The following PTPRG variants were observed in gnomAD, a reference collection of about 807,000 sequenced individuals.
PTPRG encodes receptor-type tyrosine-protein phosphatase gamma.
In PTPRG, 102 loss-of-function variants were observed where a neutral mutation model predicts 165.3. That is an observed-to-expected ratio of 0.62 (90% CI 0.53 to 0.73). The LOEUF (loss-of-function observed/expected upper bound fraction) is 0.73, where lower values mean the gene tolerates loss of function less well. Among genes scored for constraint, PTPRG ranks in the 30% least tolerant of loss-of-function variants. The probability of loss-of-function intolerance (pLI) is 0.00; values close to 1 mark genes in which losing one functional copy is unlikely to be tolerated. For synonymous variants in PTPRG, 675 were observed against 669.5 expected (o/e 1.01, Z -0.13); for missense variants, 1,866 against 1,861.4 (o/e 1.00, Z -0.05).
intron 2 of PTPRG, among the ~76,000 whole-genome samples, chr3:61,960,542 G>A (rs1458563531): frequency 6.6e-6 from 1 of 152,090 alleles, no homozygotes; most frequent in African/African-American, 2.4e-5. Flanking sequence ...AAGTAAAACT[G>A]ATCAATGGGA....
chr3:61,866,888 C>A (rs2037427697), intron 2 of PTPRG, among the ~76,000 whole-genome samples: 1 of 152,154 alleles, frequency 6.6e-6, no homozygotes, highest in Non-Finnish European at 1.5e-5. Flanking sequence ...TGTGACACCG[C>A]ACCCGGCCAA....
At chr3:62,093,667 G>A (rs1702018109) in intron 5 of PTPRG, among the ~76,000 whole-genome samples, 1 of 152,186 alleles carries the variant, frequency 6.6e-6, no homozygotes, top group South Asian at 2.1e-4. Flanking sequence ...TCAGGTACAA[G>A]GGATTAGGAG....
chr3:61,939,884 G>T (rs1221209622), intron 2 of PTPRG, among the ~76,000 whole-genome samples: 1 of 141,216 alleles, frequency 7.1e-6, no homozygotes, highest in East Asian at 2.3e-4. Flanking sequence ...TGAATGGAAA[G>T]AAGTATTGGT....
chr3:62,000,454 G>A (rs2041146188), intron 3 of PTPRG, among the ~76,000 whole-genome samples: 1 of 152,114 alleles, frequency 6.6e-6, no homozygotes, highest in Non-Finnish European at 1.5e-5. Flanking sequence ...GAAGACATGT[G>A]GGAAAAGACA....
chr3:61,688,299 G>A (rs1703704904), intron 1 of PTPRG, among the ~76,000 whole-genome samples: 1 of 152,196 alleles, frequency 6.6e-6, no homozygotes, highest in Admixed American at 6.5e-5. Context: ...TCAAAAAAAG[G>A]CTGCATGCTG....
At chr3:62,192,918 C>A (rs902764161) in intron 9 of PTPRG, among the ~76,000 whole-genome samples, 1 of 152,170 alleles carries the variant, frequency 6.6e-6, no homozygotes, top group Non-Finnish European at 1.5e-5. Flanking sequence ...CGGGCCCATT[C>A]AATCAGTTAT....
At chr3:61,998,185 C>G (rs1245908647) in intron 3 of PTPRG, among the ~76,000 whole-genome samples, 1 of 152,164 alleles carries the variant, frequency 6.6e-6, no homozygotes. Context: ...GGTACTTGGT[C>G]AACCCTTCCA....
chr3:62,081,345 C>T (rs1232800821), intron 5 of PTPRG, among the ~76,000 whole-genome samples: 1 of 151,956 alleles, frequency 6.6e-6, no homozygotes, highest in Non-Finnish European at 1.5e-5. Context: ...TTCCTTTGTC[C>T]TTCTTATTTA....
intron 2 of PTPRG, among the ~76,000 whole-genome samples, chr3:61,960,302 C>T (rs1323239195): frequency 6.6e-6 from 1 of 151,920 alleles, no homozygotes; most frequent in Non-Finnish European, 1.5e-5. Flanking sequence ...CATGCATCTC[C>T]TGGAGTGGTG....
chr3:61,626,765 T>A (rs534285958), intron 1 of PTPRG, among the ~76,000 whole-genome samples: 3 of 152,220 alleles, frequency 2.0e-5, no homozygotes, highest in Non-Finnish European at 4.4e-5. Context: ...GGCAGATTAT[T>A]AAATGTATTT....
chr3:61,661,331 T>A lies in PTPRG; in HGVS notation c.86-87547T>A, dbSNP rs200481439. Among the ~76,000 whole-genome samples the A allele has an allele frequency of 4.4e-4, 66 of 150,212 alleles. 4 individuals carry two copies. In the South Asian group the frequency reaches 0.014, roughly 31 times the overall value. On this transcript the variant is annotated intron_variant, in intron 1 of 29. Coordinates refer to ENST00000474889, the MANE Select transcript of PTPRG (RefSeq NM_002841.4). ...TTTATAAAAGTTTCCTTTTTTTTTT[T>A]TAAATTTTTAAGAGAGAAGTGATTT...
intron 2 of PTPRG, among the ~76,000 whole-genome samples, chr3:61,849,451 G>A (rs572581958): frequency 1.3e-5 from 2 of 152,168 alleles, no homozygotes; most frequent in African/African-American, 2.4e-5. Context: ...AGGATTCAAC[G>A]TATTTGAAAG....
At chr3:61,877,689 A>G (rs552909213) in intron 2 of PTPRG, among the ~76,000 whole-genome samples, 55 of 152,360 alleles carry the variant, frequency 3.6e-4, no homozygotes, top group East Asian at 1.9e-4. Flanking sequence ...TTATGATGCA[A>G]TGAGACTGAA....
At chr3:61,689,500 C>T (rs950873869) in intron 1 of PTPRG, among the ~76,000 whole-genome samples, 2 of 152,218 alleles carry the variant, frequency 1.3e-5, no homozygotes, top group Admixed American at 1.3e-4. Flanking sequence ...GGCCATTACT[C>T]TCTGCTATGG....
chr3:61,767,154 G>A (rs2034047223), intron 2 of PTPRG, among the ~76,000 whole-genome samples: 1 of 133,854 alleles, frequency 7.5e-6, no homozygotes, highest in Non-Finnish European at 1.5e-5. Context: ...TGAGGCAGGA[G>A]AATTCCTTGA....
rs145007381 is a variant in PTPRG at position 62,062,196 on chromosome 3, G to A, written c.520-15967G>A. On this transcript the variant is annotated intron_variant, in intron 4 of 29. Transcript: ENST00000474889. The stretch of plus-strand genomic sequence containing the variant: ...TGCCTGTAATCCCAGCTACTCAGGA[G>A]GCTGAGGCAGGAGAATATCTTGAAC... 7.7e-3 allele frequency among the ~76,000 whole-genome samples: 1,107 copies of A among 144,156 alleles called. 87 individuals are homozygous for A. In the East Asian group the frequency reaches 0.19, roughly 24 times the overall value. The allele number at this position is 144,156 out of a possible 152,430, so 94.6% of individuals were successfully genotyped here.
At chr3:61,634,681 G>T (rs770775221) in intron 1 of PTPRG, among the ~76,000 whole-genome samples, 9 of 152,162 alleles carry the variant, frequency 5.9e-5, no homozygotes, top group Non-Finnish European at 1.2e-4. Flanking sequence ...CTCAGCAGAG[G>T]TTTGAAAGTT....
rs202094209 is a variant in PTPRG, at chr3:61,887,731, AAG to A, written c.191-101893_191-101892del. 4.8e-4 allele frequency among the ~76,000 whole-genome samples: 73 copies of A among 152,152 alleles called. 1 individual carries two copies. The East Asian group carries it at 6.7e-3, about 14-fold the overall frequency. The stretch of plus-strand genomic sequence containing the variant: ...GCTTTCAGTAAGTTAAAAAAAAAAA[AAG>A]GCTGATGGTTAAATCATCCATATTT... On this transcript the variant is annotated intron_variant, in intron 2 of 29. Coordinates refer to ENST00000474889, the MANE Select transcript of PTPRG (RefSeq NM_002841.4).
At chr3:61,887,157 TATATATATA>T (rs2038070110) in intron 2 of PTPRG, among the ~76,000 whole-genome samples, 5 of 87,098 alleles carry the variant, frequency 5.7e-5, no homozygotes, top group East Asian at 3.0e-4. Flanking sequence ...TATATATATA[TATATATATA>T]TATATTTTTA....
Sources: gnomAD v4.1 joint callset for allele counts (sites outside exome capture counted in the v4.1 genomes callset) on GRCh38, gnomAD v4.1.1 for gene constraint, MANE v1.5 for transcripts, NCBI Gene and HGNC (gene_info 2026-07-23, HGNC 2026-07-21) for gene names.